Variants in NFAT5 observed in about 807,000 individuals in gnomAD.
NFAT5 encodes nuclear factor of activated T-cells 5.
Under a neutral mutation model 166.5 loss-of-function variants are expected in NFAT5, and 31 were observed. That is an observed-to-expected ratio of 0.19 (90% CI 0.14 to 0.25). NFAT5 has a LOEUF of 0.25. NFAT5 is among the 10% of genes least tolerant of loss of function. NFAT5 has a pLI of 1.00. For missense variants in NFAT5, 1,449 were observed against 1,821.8 expected (o/e 0.80, Z 3.72); for synonymous variants, 612 against 639.7 (o/e 0.96, Z 0.65).
At position 69,616,566 on chromosome 16, in the gene NFAT5, A is replaced by C. The variant is rs942309255; in HGVS notation, c.128-9837A>C. Among the ~76,000 whole-genome samples, 15 of 152,170 alleles carry C rather than the reference A, an allele frequency of 9.9e-5. 2 individuals carry two copies. The highest frequency in any genetic ancestry group is 3.9e-4 in the East Asian group (2 of 5,160). ...TGGGTTCCCACCTCCCACCCTAGGC[A>C]GACCCCCTGTGCATCAGCCTTCTTT... On this transcript the variant is annotated intron_variant, in intron 2 of 14. Coordinates refer to ENST00000349945, the MANE Select transcript of NFAT5 (RefSeq NM_138713.4).
At chr16:69,583,554 G>A (rs1597352998) in intron 2 of NFAT5, among the ~76,000 whole-genome samples, 1 of 152,118 alleles carries the variant, frequency 6.6e-6, no homozygotes, top group South Asian at 2.1e-4. Flanking sequence ...CATGTGTTAA[G>A]GGAAAGAAAC....
intron 11 of NFAT5, among the ~76,000 whole-genome samples, chr16:69,689,058 G>A (rs1057277137): frequency 1.1e-4 from 17 of 152,136 alleles, no homozygotes; most frequent in African/African-American, 4.1e-4. Context: ...AGGATCACTT[G>A]AGCTCAGGAG....
At chr16:69,589,914 T>A (rs1032824094) in intron 2 of NFAT5, among the ~76,000 whole-genome samples, 12 of 152,200 alleles carry the variant, frequency 7.9e-5, no homozygotes, top group Admixed American at 1.3e-4. Context: ...CCCAGCACTT[T>A]GGGAGGCCAG....
intron 2 of NFAT5, among the ~76,000 whole-genome samples, chr16:69,615,277 G>A (rs1203909365): frequency 6.6e-6 from 1 of 152,144 alleles, no homozygotes; most frequent in Non-Finnish European, 1.5e-5. Flanking sequence ...GTGACCTCAG[G>A]TGATCTGCCT....
intron 2 of NFAT5, among the ~76,000 whole-genome samples, chr16:69,603,875 G>C (rs988075476): frequency 6.6e-6 from 1 of 152,088 alleles, no homozygotes; most frequent in Admixed American, 6.6e-5. Context: ...CAATTTCCTT[G>C]CCAGTATTAT....
At chr16:69,639,755 A>T (rs949188150) in intron 3 of NFAT5, among the ~76,000 whole-genome samples, 1 of 152,214 alleles carries the variant, frequency 6.6e-6, no homozygotes, top group African/African-American at 2.4e-5. Flanking sequence ...ATTGCTCAGA[A>T]CATATCTTCT....
chr16:69,671,332 A>G (rs993880537), intron 9 of NFAT5, among the ~76,000 whole-genome samples: 2 of 152,048 alleles, frequency 1.3e-5, no homozygotes, highest in East Asian at 1.9e-4. Context: ...GGGAAGTGCT[A>G]TACTTAGTGC....
At position 69,621,514 on chromosome 16, in the gene NFAT5, A is replaced by T. The variant is rs182368864; in HGVS notation, c.128-4889A>T. Among the ~76,000 whole-genome samples the T allele has an allele frequency of 8.5e-5, 13 of 152,076 alleles. No homozygotes were observed. In the East Asian group the frequency reaches 2.1e-3, roughly 25 times the overall value. ...CTCAGAAGCTGCCTTTCCATTAGGG[A>T]TTTCCCATTCTGTTTCTTCGTATCT... On this transcript the variant is annotated intron_variant, in intron 2 of 14. Transcript: ENST00000349945.
chr16:69,655,618 C>T lies in NFAT5; in HGVS notation c.1015C>T (p.His339Tyr). The T allele has an allele frequency of 6.3e-7, 1 of 1,585,714 alleles. No homozygotes were observed. The highest frequency in any genetic ancestry group is 8.6e-7 in the Non-Finnish European group (1 of 1,164,894). Reference protein sequence around the residue: ...QGFPTVKLEGHNEPVVLQVFV... With the variant: ...QGFPTVKLEGYNEPVVLQVFV... ...TGTTTTCTGGTTTCAGCTGGAAGGC[C>T]ATAATGAACCTGTAGTGTTGCAAGT... The change falls in exon 6 of 15, where the codon CAT becomes TAT. Residue 339 changes from histidine (H) to tyrosine (Y), a missense_variant. This residue lies in a region of NFAT5 where 13 missense variants were observed against 16.4 expected (regional missense o/e 0.79). Transcript: ENST00000349945.
chr16:69,571,245 G>C (rs767000516), intron 2 of NFAT5, among the ~76,000 whole-genome samples: 2 of 151,488 alleles, frequency 1.3e-5, no homozygotes, highest in African/African-American at 4.9e-5. Flanking sequence ...CAGAGGTTGT[G>C]GTGAGCCAAG....
intron 2 of NFAT5, among the ~76,000 whole-genome samples, chr16:69,609,445 C>G (rs1432873668): frequency 6.6e-6 from 1 of 152,142 alleles, no homozygotes. Context: ...ACATGAAATT[C>G]TGGTATTCCC....
chr16:69,657,621 G>A (rs1019348320), intron 6 of NFAT5, among the ~76,000 whole-genome samples: 19 of 149,940 alleles, frequency 1.3e-4, no homozygotes, highest in African/African-American at 4.1e-4. Context: ...TTAGCCAGGC[G>A]TGGTGGTGGG....
intron 3 of NFAT5, among the ~76,000 whole-genome samples, chr16:69,637,298 C>T (rs992916360): frequency 6.6e-6 from 1 of 152,218 alleles, no homozygotes; most frequent in African/African-American, 2.4e-5. Flanking sequence ...CCCACATTTT[C>T]CTGTCTTCTT....
chr16:69,614,218 C>G (rs1567541923), intron 2 of NFAT5, among the ~76,000 whole-genome samples: 1 of 151,464 alleles, frequency 6.6e-6, no homozygotes, highest in Non-Finnish European at 1.5e-5. Context: ...TGTAGTGGCA[C>G]AATCACAGCT....
chr16:69,622,023 C>T (rs1170415278), intron 2 of NFAT5, among the ~76,000 whole-genome samples: 2 of 152,130 alleles, frequency 1.3e-5, no homozygotes, highest in Non-Finnish European at 2.9e-5. Flanking sequence ...GGATTTCTTT[C>T]ATTGGCTAGT....
intron 9 of NFAT5, among the ~76,000 whole-genome samples, chr16:69,670,587 A>G (rs575354015): frequency 6.6e-6 from 1 of 152,212 alleles, no homozygotes; most frequent in African/African-American, 2.4e-5. Context: ...TTAATCCACT[A>G]TATAGTTAAA....
At chr16:69,598,766 T>C (rs2032956330) in intron 2 of NFAT5, among the ~76,000 whole-genome samples, 1 of 152,150 alleles carries the variant, frequency 6.6e-6, no homozygotes, top group Non-Finnish European at 1.5e-5. Flanking sequence ...GGCTCACGCC[T>C]GTAATCCCAG....
chr16:69,686,588 G>A (rs1024461926), intron 11 of NFAT5, among the ~76,000 whole-genome samples: 6 of 152,116 alleles, frequency 3.9e-5, no homozygotes, highest in Non-Finnish European at 7.4e-5. Flanking sequence ...ATCAGGCTGG[G>A]CACGGTGGCT....
At chr16:69,641,544 C>G (rs912814507) in intron 3 of NFAT5, among the ~76,000 whole-genome samples, 5 of 152,002 alleles carry the variant, frequency 3.3e-5, no homozygotes, top group African/African-American at 1.2e-4. Context: ...TCATTTCTGT[C>G]ATATATTTTA....
Sources: allele counts gnomAD v4.1 joint callset (sites outside exome capture counted in the v4.1 genomes callset), GRCh38; gene constraint gnomAD v4.1.1; regional missense constraint gnomAD v4.1.1; transcripts MANE v1.5; gene names NCBI Gene and HGNC (gene_info 2026-07-23, HGNC 2026-07-21).